The following SIPA1L2 variants were observed in gnomAD, a reference collection of about 807,000 sequenced individuals.
The protein encoded by SIPA1L2 is signal-induced proliferation-associated 1-like protein 2.
A neutral mutation model predicts 163.9 loss-of-function variants in SIPA1L2; 56 were observed. That is an observed-to-expected ratio of 0.34 (90% CI 0.28 to 0.43). The LOEUF is 0.43. Among genes scored for constraint, SIPA1L2 ranks in the 20% least tolerant of loss-of-function variants. The probability of loss-of-function intolerance (pLI) is 1.00; values close to 1 mark genes in which losing one functional copy is unlikely to be tolerated. For missense variants in SIPA1L2, 1,974 were observed against 2,193.5 expected (o/e 0.90, Z 2.00); for synonymous variants, 877 against 865.7 (o/e 1.01, Z -0.23).
Position 232,499,409 on chromosome 1 carries a change from G to A in SIPA1L2, c.1484-5749C>T, listed in dbSNP as rs75834518. Among the ~76,000 whole-genome samples, 2,533 of 152,334 alleles carry A rather than the reference G, an allele frequency of 0.017. 175 individuals carry two copies. The East Asian group carries it at 0.22, about 13-fold the overall frequency. On this transcript the variant is annotated intron_variant, in intron 3 of 22. Coordinates refer to ENST00000674635, the MANE Select transcript of SIPA1L2 (RefSeq NM_020808.5). The stretch of plus-strand genomic sequence containing the variant: ...TACTGCTGATATGAAGAAAGTCAGA[G>A]TGGTCTGGATAGAAGACAAAAGCAG...
intron 2 of SIPA1L2, among the ~76,000 whole-genome samples, chr1:232,541,437 T>A (rs1363539213): frequency 6.6e-6 from 1 of 152,044 alleles, no homozygotes; most frequent in Non-Finnish European, 1.5e-5. Context: ...TAACAGTAGG[T>A]TCTACGGGTT....
intron 1 of SIPA1L2, among the ~76,000 whole-genome samples, 29 bp from the exon 2 acceptor site, chr1:232,574,251 A>T (rs1659958027): frequency 6.6e-6 from 1 of 152,038 alleles, no homozygotes; most frequent in Admixed American, 6.6e-5. Flanking sequence ...ACCCATTCAG[A>T]CTCCCAGAAC....
At chr1:232,535,606 A>C (rs576068329) in intron 2 of SIPA1L2, among the ~76,000 whole-genome samples, 71 of 152,352 alleles carry the variant, frequency 4.7e-4, no homozygotes, top group Non-Finnish European at 8.4e-4. Context: ...AGTCATTATT[A>C]ATATTAATTG....
chr1:232,455,100 G>C (rs1663816118), intron 10 of SIPA1L2, among the ~76,000 whole-genome samples: 1 of 152,158 alleles, frequency 6.6e-6, no homozygotes, highest in African/African-American at 2.4e-5. Context: ...TAGGGAGTGA[G>C]AGAACAATCT....
Position 232,601,599 on chromosome 1 carries a change from T to C in SIPA1L2, c.-318-27377A>G, listed in dbSNP as rs115723021. Among the ~76,000 whole-genome samples, 427 of 152,300 alleles carry C rather than the reference T, an allele frequency of 2.8e-3. 5 individuals carry two copies. The East Asian group carries it at 0.031, about 11-fold the overall frequency. ...AACACATTTCTGTTATGGGTGAAAT[T>C]TGGCCCATTTGGGGATGTTCTGGAT... On this transcript the variant is annotated intron_variant, in intron 1 of 22. Coordinates refer to ENST00000674635, the MANE Select transcript of SIPA1L2 (RefSeq NM_020808.5).
At chr1:232,430,361 C>T (rs764803446) in intron 16 of SIPA1L2, among the ~76,000 whole-genome samples, 23 of 152,156 alleles carry the variant, frequency 1.5e-4, no homozygotes, top group Non-Finnish European at 2.2e-4. Flanking sequence ...ACTGCTCATT[C>T]GCTGATATTA....
chr1:232,456,191 G>C (rs962074934), intron 10 of SIPA1L2, among the ~76,000 whole-genome samples: 4 of 152,146 alleles, frequency 2.6e-5, no homozygotes, highest in African/African-American at 9.7e-5. Flanking sequence ...GCTCACTTGA[G>C]TCCAGATTTC....
At chr1:232,401,428 G>T (rs768986240) in intron 22 of SIPA1L2, among the ~76,000 whole-genome samples, 2 of 152,112 alleles carry the variant, frequency 1.3e-5, no homozygotes, top group African/African-American at 4.8e-5. Flanking sequence ...TGGTTTACAC[G>T]CTGTGGTGCA....
intron 10 of SIPA1L2, among the ~76,000 whole-genome samples, chr1:232,452,231 T>G (rs1663626364): frequency 6.6e-6 from 1 of 152,082 alleles, no homozygotes; most frequent in Non-Finnish European, 1.5e-5. Flanking sequence ...TGCTTCCTGA[T>G]GCCTAAAGCT....
intron 10 of SIPA1L2, among the ~76,000 whole-genome samples, chr1:232,451,828 G>A (rs1001114925): frequency 6.6e-6 from 1 of 151,938 alleles, no homozygotes; most frequent in Non-Finnish European, 1.5e-5. Context: ...ATCAACTTAT[G>A]CTCCTAATTA....
intron 12 of SIPA1L2, 77 bp from the exon 13 acceptor site, chr1:232,441,945 C>G: frequency 8.0e-7 from 1 of 1,250,090 alleles, no homozygotes; most frequent in Non-Finnish European, 1.1e-6. Context: ...GTGCTGGCTT[C>G]CAAGTAGGCT....
chr1:232,423,297 A>G (rs759603626), intron 18 of SIPA1L2, among the ~76,000 whole-genome samples: 17 of 152,202 alleles, frequency 1.1e-4, no homozygotes, highest in Non-Finnish European at 2.2e-4. Context: ...TTATCTGGAC[A>G]TGGCCCCATC....
chr1:232,417,026 T>C (rs773881553), intron 18 of SIPA1L2, among the ~76,000 whole-genome samples: 7 of 152,214 alleles, frequency 4.6e-5, no homozygotes, highest in Admixed American at 4.6e-4. Context: ...CAGCTGCTTG[T>C]GAACACATCT....
At chr1:232,595,798 A>C (rs1310646713) in intron 1 of SIPA1L2, among the ~76,000 whole-genome samples, 2 of 152,244 alleles carry the variant, frequency 1.3e-5, no homozygotes, top group African/African-American at 4.8e-5. Context: ...TTTGGAATTT[A>C]AGCTTTTGTT....
At chr1:232,608,670 A>C (rs1343453186) in intron 1 of SIPA1L2, among the ~76,000 whole-genome samples, 1 of 152,178 alleles carries the variant, frequency 6.6e-6, no homozygotes, top group Non-Finnish European at 1.5e-5. Flanking sequence ...TGCGTGCTGC[A>C]CACCCATATC....
chr1:232,561,269 CAAAGTTTCAGGT>C (rs1413174778), intron 2 of SIPA1L2, among the ~76,000 whole-genome samples: 3 of 152,182 alleles, frequency 2.0e-5, no homozygotes, highest in Non-Finnish European at 4.4e-5. Context: ...TAAAAGATAA[CAAAGTTTCAGGT>C]AAAGTTTCAG....
At chr1:232,508,895 C>T (rs1666855655) in intron 3 of SIPA1L2, among the ~76,000 whole-genome samples, 1 of 152,180 alleles carries the variant, frequency 6.6e-6, no homozygotes, top group Non-Finnish European at 1.5e-5. Flanking sequence ...CGTTCGAGAC[C>T]AGCCTGGCCA....
rs746797253 is a variant in SIPA1L2, at chr1:232,465,037, C to T, written c.2623G>A (p.Gly875Arg). The part of the protein sequence containing the change: ...GQSADIECLL[G>R]ISNEFIMLIE... The stretch of plus-strand genomic sequence containing the variant: ...AACATGATGAACTCATTGGAGATCC[C>T]GAGAAGACATTCAATGTCAGCAGAC... Residue 875 changes from glycine (G) to arginine (R), a missense_variant, in exon 9 of 23, where the codon GGG becomes AGG. Gly to Arg is a moderately radical substitution (Grantham distance 125, BLOSUM62 -2). Coordinates refer to ENST00000674635, the MANE Select transcript of SIPA1L2 (RefSeq NM_020808.5). The surrounding 1 kb of genome is among the most constrained non-coding windows in gnomAD (Gnocchi z 4.1). 2 of 1,614,134 alleles carry T rather than the reference C, an allele frequency of 1.2e-6. No homozygotes were observed. The highest frequency in any genetic ancestry group is 1.7e-6 in the Non-Finnish European group (2 of 1,180,010).
rs569692813 is a variant in SIPA1L2, at chr1:232,515,474, A to C, written c.-135T>G. 1.1e-6 allele frequency: 1 copy of C among 916,868 alleles called. No individual in the cohort carries two copies. The highest frequency in any genetic ancestry group is 2.7e-5 in the East Asian group (1 of 36,888). The allele number at this position is 916,868 out of a possible 1,614,324, so 56.8% of individuals were successfully genotyped here. Reference sequence around the variant, plus strand: ...TTGTATTTTTTCTTTTCTTAGCCCAAAGCAAACAACATCCTCAGAATACAG... The same window carrying C: ...TTGTATTTTTTCTTTTCTTAGCCCACAGCAAACAACATCCTCAGAATACAG... On this transcript the variant is annotated 5_prime_UTR_variant, in exon 3 of 23. Coordinates refer to ENST00000674635, the MANE Select transcript of SIPA1L2 (RefSeq NM_020808.5).
Sources: gnomAD v4.1 joint callset for allele counts (sites outside exome capture counted in the v4.1 genomes callset) on GRCh38, gnomAD v4.1.1 for gene constraint, Gnocchi (gnomAD v3.1) non-coding constraint, MANE v1.5 for transcripts, NCBI Gene and HGNC (gene_info 2026-07-23, HGNC 2026-07-21) for gene names.